The following FBXO3 variants were observed in gnomAD, a reference collection of about 807,000 sequenced individuals.
FBXO3 encodes the protein F-box protein 3.
FBXO3 carries 17 observed loss-of-function variants against 64.8 expected under a neutral mutation model. That is an observed-to-expected ratio of 0.26 (90% CI 0.18 to 0.39). FBXO3 has a LOEUF of 0.39. Ranked by LOEUF, FBXO3 falls within the 10% of genes least tolerant of loss-of-function variation. The pLI is 1.00. For missense variants in FBXO3, 420 were observed against 589.9 expected (o/e 0.71, Z 2.98); for synonymous variants, 182 against 201.6 (o/e 0.90, Z 0.82).
At chr11:33,752,222 TG>T (rs1854979286) in intron 6 of FBXO3, among the ~76,000 whole-genome samples, 1 of 152,232 alleles carries the variant, frequency 6.6e-6, no homozygotes, top group Non-Finnish European at 1.5e-5. Flanking sequence ...AAAGGATTAC[TG>T]GAACAGTCTA....
At chr11:33,746,639 C>T (rs1374010142) in intron 10 of FBXO3, 2 of 823,026 alleles carry the variant, frequency 2.4e-6, no homozygotes, top group African/African-American at 1.7e-5. Flanking sequence ...TACTGTTACA[C>T]TTGTCATAAG....
At chr11:33,748,953 G>A in intron 8 of FBXO3, 61 bp from the exon 9 acceptor site, 1 of 1,144,032 alleles carries the variant, frequency 8.7e-7, no homozygotes, top group South Asian at 1.3e-5. Flanking sequence ...TTTGGTTTAA[G>A]AGATACAGTA....
intron 2 of FBXO3, 69 bp from the exon 3 acceptor site, chr11:33,769,083 C>A (rs2133623890): frequency 2.3e-6 from 3 of 1,277,966 alleles, no homozygotes; most frequent in South Asian, 2.9e-5. Context: ...TAGATACCTA[C>A]AACATATAGA....
chr11:33,757,077 T>G (rs773553035), intron 4 of FBXO3: 2 of 518,780 alleles, frequency 3.9e-6, no homozygotes, highest in South Asian at 2.8e-5. Flanking sequence ...GTGATCACCT[T>G]TGGGATTCCC....
At chr11:33,746,378 C>T in intron 10 of FBXO3, 1 of 358,900 alleles carries the variant, frequency 2.8e-6, no homozygotes, top group East Asian at 4.1e-5. Flanking sequence ...GGCCCAAAGT[C>T]TCATTATCAT....
At position 33,754,496 on chromosome 11, in the gene FBXO3, T is replaced by C; in HGVS notation, c.683A>G (p.Gln228Arg). The stretch of plus-strand genomic sequence containing the variant: ...AATAGCAGCTGGATTTCGAGCCATT[T>C]GGTCCTAGGTGAGAAAAAGAATACA... Reference protein sequence around the residue: ...KNEVFYQCPDQMARNPAAIDM... With the variant: ...KNEVFYQCPDRMARNPAAIDM... The change falls in exon 6 of 11, where the codon CAA becomes CGA. Residue 228 changes from glutamine (Q) to arginine (R), a missense_variant. Physicochemically the swap from Gln to Arg is conservative, Grantham distance 43. This residue lies in a region of FBXO3 where 337 missense variants were observed against 518.4 expected (regional missense o/e 0.65). Transcript: ENST00000265651. 6.3e-7 allele frequency: 1 copy of C among 1,576,524 alleles called. No homozygotes were observed. Among genetic ancestry groups the C allele is most frequent in the Non-Finnish European group, 8.6e-7 (1 of 1,162,648 alleles).
At chr11:33,773,824 T>G (rs746118090) in intron 1 of FBXO3, 3 of 153,026 alleles carry the variant, frequency 2.0e-5, no homozygotes, top group Non-Finnish European at 4.4e-5. Context: ...TAAGGAGCAA[T>G]GCTGACAGCA....
At position 33,757,667 on chromosome 11, in the gene FBXO3, A is replaced by AAAAAAAAAAAAAAAG. The variant is rs1855139277; in HGVS notation, c.473+805_473+819dup. Among the ~76,000 whole-genome samples the AAAAAAAAAAAAAAAG allele has an allele frequency of 1.4e-5, 2 of 142,184 alleles. 1 individual carries two copies. Among genetic ancestry groups the AAAAAAAAAAAAAAAG allele is most frequent in the Non-Finnish European group, 3.1e-5 (2 of 64,914 alleles). The allele number at this position is 142,184 out of a possible 152,430, so 93.3% of individuals were successfully genotyped here. A position where few individuals can be genotyped will look rare whatever the true frequency, so the allele number is the denominator to read the frequency against. On this transcript the variant is annotated intron_variant, in intron 4 of 10. Transcript: ENST00000265651. ...AAGACACCATCTCTTAAAAAAAAAA[A>AAAAAAAAAAAAAAAG]AAAAAAAAAAAAAAGTCTGGGTGGT...
chr11:33,753,994 G>A (rs1288540407), intron 6 of FBXO3: 1 of 152,522 alleles, frequency 6.6e-6, no homozygotes, highest in Admixed American at 6.5e-5. Context: ...GAGTTTATAA[G>A]GCATAGAGTT....
chr11:33,757,656 T>TAGAAAAAAAAAAAAAA (rs1855136898), intron 4 of FBXO3, among the ~76,000 whole-genome samples: 1 of 23,980 alleles, frequency 4.2e-5, no homozygotes, highest in Non-Finnish European at 8.0e-5. Flanking sequence ...CACCATCTCT[T>TAGAAAAAAAAAAAAAA]AAAAAAAAAA....
chr11:33,748,306 T>C (rs1052314912), intron 9 of FBXO3, among the ~76,000 whole-genome samples: 3 of 152,216 alleles, frequency 2.0e-5, no homozygotes, highest in East Asian at 1.9e-4. Flanking sequence ...CAGAAGTACA[T>C]AGCATAAATA....
At chr11:33,757,939 G>A (rs550066240) in intron 4 of FBXO3, among the ~76,000 whole-genome samples, 98 of 145,868 alleles carry the variant, frequency 6.7e-4, no homozygotes, top group African/African-American at 6.1e-4. Flanking sequence ...CTTGGGGACC[G>A]AGCAAGACCC....
intron 5 of FBXO3, among the ~76,000 whole-genome samples, chr11:33,754,763 T>C (rs1252087235): frequency 6.6e-6 from 1 of 151,674 alleles, no homozygotes; most frequent in Non-Finnish European, 1.5e-5. Flanking sequence ...AGTAAAAAAA[T>C]GAGATAAAAA....
chr11:33,755,706 T>C, intron 5 of FBXO3, 65 bp downstream of exon 5: 1 of 1,162,214 alleles, frequency 8.6e-7, no homozygotes, highest in Non-Finnish European at 1.3e-6. Flanking sequence ...AAATACCTAA[T>C]GCATGCATTT....
At chr11:33,747,003 A>G (rs1854828787) in intron 10 of FBXO3, 127 bp downstream of exon 10, 4 of 1,500,646 alleles carry the variant, frequency 2.7e-6, no homozygotes, top group East Asian at 2.5e-5. Context: ...ATGACCCCCA[A>G]GATACTTTCT....
At chr11:33,758,404 G>T in intron 4 of FBXO3, 83 bp downstream of exon 4, 1 of 949,090 alleles carries the variant, frequency 1.1e-6, no homozygotes, top group Non-Finnish European at 1.6e-6. Context: ...TTTGTTAAGG[G>T]TAACTACAAA....
intron 1 of FBXO3, 168 bp downstream of exon 1, chr11:33,774,226 C>T (rs1486631793): frequency 1.2e-5 from 7 of 601,466 alleles, no homozygotes; most frequent in African/African-American, 3.9e-5. Flanking sequence ...CTTTCCGCCC[C>T]CGTCTCGCCC....
chr11:33,759,287 C>T (rs951913098), intron 3 of FBXO3, among the ~76,000 whole-genome samples: 1 of 152,124 alleles, frequency 6.6e-6, no homozygotes, highest in Non-Finnish European at 1.5e-5. Context: ...GGCCAGGCAT[C>T]GGAAGCCACC....
chr11:33,753,292 A>C (rs1855009688), intron 6 of FBXO3: 1 of 152,198 alleles, frequency 6.6e-6, no homozygotes, highest in Admixed American at 6.5e-5. Flanking sequence ...AGCTACTGGC[A>C]TAGTATTATT....
Sources: allele counts gnomAD v4.1 joint callset (sites outside exome capture counted in the v4.1 genomes callset), GRCh38; gene constraint gnomAD v4.1.1; regional missense constraint gnomAD v4.1.1; transcripts MANE v1.5; gene names NCBI Gene and HGNC (gene_info 2026-07-23, HGNC 2026-07-21).